The following ESRRG variants were observed in gnomAD, a reference collection of about 807,000 sequenced individuals.
The protein encoded by ESRRG is estrogen-related receptor gamma.
Under a neutral mutation model 44.0 loss-of-function variants are expected in ESRRG, and 13 were observed. The ratio of observed to expected loss-of-function variants is 0.30; its 90% CI spans 0.19 to 0.47. The LOEUF (loss-of-function observed/expected upper bound fraction) is 0.47, where lower values mean the gene tolerates loss of function less well. ESRRG is among the 20% of genes least tolerant of loss of function. ESRRG has a pLI of 1.00. For synonymous variants in ESRRG, 215 were observed against 214.6 expected (o/e 1.00, Z -0.02); for missense variants, 395 against 580.6 (o/e 0.68, Z 3.29).
intron 2 of ESRRG, among the ~76,000 whole-genome samples, chr1:216,765,768 C>A (rs369627775): frequency 6.6e-6 from 1 of 152,054 alleles, no homozygotes; most frequent in Non-Finnish European, 1.5e-5. Context: ...TTTTTTCCTA[C>A]TGGCAGTGGG....
intron 5 of ESRRG, among the ~76,000 whole-genome samples, chr1:216,524,452 T>A (rs1033255479): frequency 2.6e-5 from 4 of 151,808 alleles, no homozygotes; most frequent in African/African-American, 9.7e-5. Flanking sequence ...ATAATGATTA[T>A]ATTATGTTTG....
intron 2 of ESRRG, among the ~76,000 whole-genome samples, chr1:216,747,905 G>C (rs929886350): frequency 6.6e-6 from 1 of 152,100 alleles, no homozygotes; most frequent in Non-Finnish European, 1.5e-5. Flanking sequence ...CTATAATGTT[G>C]CTTATTCTAT....
At chr1:216,822,005 G>A (rs892420225) in intron 2 of ESRRG, among the ~76,000 whole-genome samples, 1 of 151,994 alleles carries the variant, frequency 6.6e-6, no homozygotes, top group African/African-American at 2.4e-5. Context: ...CAGAAGGGGG[G>A]TTAGATCTTT....
chr1:217,097,097 C>A (rs143864893), intron 1 of ESRRG, among the ~76,000 whole-genome samples: 94 of 152,212 alleles, frequency 6.2e-4, no homozygotes, highest in African/African-American at 2.1e-3. Flanking sequence ...CACCTGTAGT[C>A]CCAGCTACTC....
intron 2 of ESRRG, among the ~76,000 whole-genome samples, chr1:216,932,530 G>C (rs1225313482): frequency 1.3e-5 from 2 of 151,850 alleles, no homozygotes; most frequent in African/African-American, 4.8e-5. Context: ...AATTTTGGTA[G>C]GGGTGTGTGT....
intron 1 of ESRRG, chr1:217,000,369 T>A (rs1042551588): frequency 1.3e-5 from 2 of 152,228 alleles, no homozygotes; most frequent in Admixed American, 1.3e-4. Flanking sequence ...TTGCCAGCGA[T>A]CTTTGGAGTT....
At position 216,799,441 on chromosome 1, in the gene ESRRG, G is replaced by T. The variant is rs1576673330; in HGVS notation, c.-13-121950C>A. Among the ~76,000 whole-genome samples the T allele has an allele frequency of 2.0e-5, 3 of 151,470 alleles. No homozygotes were observed. The South Asian group carries it at 6.3e-4, about 32-fold the overall frequency. On this transcript the variant is annotated intron_variant, in intron 2 of 7. Coordinates refer to the ESRRG transcript ENST00000359162. ...ATTTTGATTCCTCAGGATAGGAGGTGACGATTATAATCACTCAAGCAGGGA... is the reference window on the plus strand; with the variant it reads ...ATTTTGATTCCTCAGGATAGGAGGTTACGATTATAATCACTCAAGCAGGGA...
At chr1:216,915,822 T>TCA (rs2061090569) in intron 2 of ESRRG, among the ~76,000 whole-genome samples, 1 of 152,160 alleles carries the variant, frequency 6.6e-6, no homozygotes, top group African/African-American at 2.4e-5. Flanking sequence ...GCTGATGGTA[T>TCA]CACAGCGTCC....
intron 3 of ESRRG, among the ~76,000 whole-genome samples, chr1:216,568,809 C>A (rs1457593015): frequency 6.6e-6 from 1 of 152,122 alleles, no homozygotes; most frequent in Non-Finnish European, 1.5e-5. Flanking sequence ...AATACCAGCA[C>A]TTTGGGAGGC....
intron 3 of ESRRG, among the ~76,000 whole-genome samples, chr1:216,601,079 G>T (rs902186991): frequency 6.6e-6 from 1 of 152,192 alleles, no homozygotes; most frequent in Non-Finnish European, 1.5e-5. Flanking sequence ...AAGCCCGGCA[G>T]CGCGGGCGGC....
At chr1:216,565,169 A>C (rs1200269598) in intron 4 of ESRRG, among the ~76,000 whole-genome samples, 1 of 152,170 alleles carries the variant, frequency 6.6e-6, no homozygotes, top group Non-Finnish European at 1.5e-5. Context: ...AAATCCTTCA[A>C]AAAATAAACA....
intron 1 of ESRRG, among the ~76,000 whole-genome samples, chr1:216,716,969 T>G (rs1475961207): frequency 1.3e-5 from 2 of 151,922 alleles, no homozygotes; most frequent in Non-Finnish European, 2.9e-5. Context: ...TACCTTTTCT[T>G]TCATTGTTTT....
intron 1 of ESRRG, among the ~76,000 whole-genome samples, chr1:217,101,154 T>G (rs998003397): frequency 3.3e-5 from 5 of 152,198 alleles, no homozygotes; most frequent in Admixed American, 6.5e-5. Context: ...TGACTTCAAC[T>G]TTTTCTTTGG....
intron 5 of ESRRG, among the ~76,000 whole-genome samples, chr1:216,547,379 T>C (rs1455273780): frequency 6.6e-6 from 1 of 151,988 alleles, no homozygotes; most frequent in East Asian, 1.9e-4. Flanking sequence ...TCAATGTTAG[T>C]CCATTTGTTT....
intron 1 of ESRRG, among the ~76,000 whole-genome samples, chr1:216,720,415 T>G (rs2085969526): frequency 6.6e-6 from 1 of 152,136 alleles, no homozygotes; most frequent in Non-Finnish European, 1.5e-5. Context: ...AAAAGTCATG[T>G]GAGCTCCAAG....
At chr1:216,961,032 C>G (rs191982040) in intron 1 of ESRRG, among the ~76,000 whole-genome samples, 1 of 152,104 alleles carries the variant, frequency 6.6e-6, no homozygotes, top group Non-Finnish European at 1.5e-5. Flanking sequence ...TATTACAAAG[C>G]TACTGTAAGA....
At chr1:216,714,033 A>AT (rs2084244864) in intron 1 of ESRRG, among the ~76,000 whole-genome samples, 3 of 152,196 alleles carry the variant, frequency 2.0e-5, no homozygotes, top group African/African-American at 7.2e-5. Context: ...ACAATCAAAC[A>AT]TAAGTTGTAT....
At chr1:217,031,855 C>A (rs2082113468) in intron 1 of ESRRG, among the ~76,000 whole-genome samples, 2 of 152,180 alleles carry the variant, frequency 1.3e-5, no homozygotes, top group Admixed American at 1.3e-4. Context: ...TCCCTTTCCA[C>A]CATGATTGGA....
chr1:217,067,198 C>G lies in ESRRG; in HGVS notation c.-106+22309G>C, dbSNP rs573720895. ...TAAGAATTGATCCTTTATCTTTTAC[C>G]TTTACTGTGTACTGTGTCTGTGCAA... On this transcript the variant is annotated intron_variant, in intron 1 of 7. Coordinates refer to the ESRRG transcript ENST00000359162. Among the ~76,000 whole-genome samples, 6 of 152,260 alleles carry G rather than the reference C, an allele frequency of 3.9e-5. No individual in the cohort carries two copies. In the South Asian group the frequency reaches 1.0e-3, roughly 26 times the overall value.
Sources: gnomAD v4.1 joint callset for allele counts (sites outside exome capture counted in the v4.1 genomes callset) on GRCh38, gnomAD v4.1.1 for gene constraint, MANE v1.5 for transcripts, NCBI Gene and HGNC (gene_info 2026-07-23, HGNC 2026-07-21) for gene names.